MAPK6: variants seen among roughly 807,000 people sequenced by gnomAD.
MAPK6 encodes ERK-3.
A neutral mutation model predicts 59.3 loss-of-function variants in MAPK6; 19 were observed. The ratio of observed to expected loss-of-function variants is 0.32; its 90% CI spans 0.22 to 0.47. The LOEUF (loss-of-function observed/expected upper bound fraction) is 0.47. MAPK6 is among the 20% of genes least tolerant of loss of function. The pLI, the probability that MAPK6 is intolerant of heterozygous loss-of-function variation, is 1.00. For missense variants in MAPK6, 724 were observed against 847.9 expected (o/e 0.85, Z 1.81); for synonymous variants, 316 against 290.3 (o/e 1.09, Z -0.90).
At chr15:51,983,313 C>G (rs921105773) in exon 2 of MAPK6, among the ~76,000 whole-genome samples, 5 of 148,822 alleles carry the variant, frequency 3.4e-5, no homozygotes, top group African/African-American at 1.2e-4. Context: ...ATGGAGAAAC[C>G]CCGTATGTAC....
chr15:51,999,218 G>A (rs772560500), intron 2 of MAPK6, among the ~76,000 whole-genome samples: 31 of 148,168 alleles, frequency 2.1e-4, no homozygotes, highest in Non-Finnish European at 4.6e-4. Flanking sequence ...GGCTGGTCTT[G>A]AGCACCTGAC....
intron 1 of MAPK6, among the ~76,000 whole-genome samples, chr15:51,983,009 C>T (rs2057179246): frequency 6.6e-6 from 1 of 152,140 alleles, no homozygotes; most frequent in South Asian, 2.1e-4. Flanking sequence ...GTTTAACTTT[C>T]AGATGTGCAA....
intron 1 of MAPK6, among the ~76,000 whole-genome samples, chr15:51,979,883 G>A (rs1359626514): frequency 6.6e-6 from 1 of 151,838 alleles, no homozygotes; most frequent in Non-Finnish European, 1.5e-5. Context: ...TCAGAAGCTG[G>A]ACCCAGTGCT....
intron 1 of MAPK6, among the ~76,000 whole-genome samples, chr15:52,022,993 G>A (rs1406886485): frequency 6.7e-6 from 1 of 150,360 alleles, no homozygotes; most frequent in East Asian, 2.0e-4. Flanking sequence ...TGTAATCCCA[G>A]CTACTCAGGA....
intron 1 of MAPK6, among the ~76,000 whole-genome samples, chr15:52,026,001 CAG>C (rs1282525031): frequency 6.6e-6 from 1 of 152,142 alleles, no homozygotes; most frequent in Non-Finnish European, 1.5e-5. Context: ...TATTATAAAA[CAG>C]TGCTGATTTT....
At chr15:51,974,080 G>T (rs1342343502) in intron 1 of MAPK6, among the ~76,000 whole-genome samples, 2 of 151,730 alleles carry the variant, frequency 1.3e-5, no homozygotes, top group Middle Eastern at 3.2e-3. Flanking sequence ...TCTTACCTGA[G>T]GTTATCACTT....
chr15:51,999,744 AG>A (rs1566896302), intron 2 of MAPK6, among the ~76,000 whole-genome samples: 1 of 152,104 alleles, frequency 6.6e-6, no homozygotes, highest in Non-Finnish European at 1.5e-5. Context: ...CCTGGGCTTA[AG>A]CCAGCCTTCC....
Position 51,971,969 on chromosome 15 carries a change from AGGGGGCGGG to A in MAPK6, c.-880+68_-880+76del, listed in dbSNP as rs1206492730. Among the ~76,000 whole-genome samples the A allele has an allele frequency of 3.7e-5, 5 of 136,390 alleles. No homozygotes were observed. The East Asian group carries it at 1.1e-3, about 29-fold the overall frequency. The allele number at this position is 136,390 out of a possible 152,430, so 89.5% of individuals were successfully genotyped here. ...TCTGTTATTTGCCAGGATTCTTACC[AGGGGGCGGG>A]GGGGTCCTGCGTTCGGTTGCGGGTG... On this transcript the variant is annotated intron_variant, in intron 1 of 7. Coordinates refer to the MAPK6 transcript ENST00000691380.
rs550390453 is a variant in MAPK6 at position 52,005,364 on chromosome 15, A to G, written c.-632+962A>G. 2.6e-5 allele frequency among the ~76,000 whole-genome samples: 4 copies of G among 152,222 alleles called. 1 individual carries two copies. The South Asian group carries it at 8.3e-4, about 32-fold the overall frequency. ...ACATGGCAAAACCCTGTCGCTACTA[A>G]AAAAGTACAAAACTTAGCCAGGCAT... On this transcript the variant is annotated intron_variant, in intron 3 of 7. Coordinates refer to the MAPK6 transcript ENST00000691380.
intron 3 of MAPK6, among the ~76,000 whole-genome samples, chr15:52,006,607 T>C (rs1445959491): frequency 6.6e-6 from 1 of 152,192 alleles, no homozygotes; most frequent in East Asian, 1.9e-4. Flanking sequence ...GCTATTCTTG[T>C]GTGCTTAGTG....
At chr15:52,014,160 C>G (rs768260347) in intron 3 of MAPK6, among the ~76,000 whole-genome samples, 11 of 151,754 alleles carry the variant, frequency 7.2e-5, no homozygotes, top group Admixed American at 2.0e-4. Flanking sequence ...ATCAATTGTT[C>G]CTTCCATTAT....
intron 3 of MAPK6, among the ~76,000 whole-genome samples, chr15:52,010,513 C>CTTTTT (rs1566898115): frequency 7.5e-6 from 1 of 133,582 alleles, no homozygotes; most frequent in African/African-American, 3.0e-5. Flanking sequence ...TTGCACCCAG[C>CTTTTT]CTTTTTTTTT....
chr15:51,977,493 G>A (rs1194221891), intron 1 of MAPK6, among the ~76,000 whole-genome samples: 1 of 151,554 alleles, frequency 6.6e-6, no homozygotes, highest in South Asian at 2.1e-4. Flanking sequence ...ATCTGTTATC[G>A]CCCTCCTACA....
chr15:52,047,919 G>A (rs887355596), intron 2 of MAPK6, among the ~76,000 whole-genome samples: 5 of 152,096 alleles, frequency 3.3e-5, no homozygotes, highest in East Asian at 1.9e-4. Context: ...CAGCAACTTC[G>A]TCTTAGATAG....
chr15:52,025,758 A>T (rs2030748408), intron 1 of MAPK6, among the ~76,000 whole-genome samples: 1 of 152,164 alleles, frequency 6.6e-6, no homozygotes, highest in Non-Finnish European at 1.5e-5. Flanking sequence ...ACTGCACTCC[A>T]GTCTGGGTGA....
chr15:52,051,972 A>T (rs2031798717), intron 3 of MAPK6, among the ~76,000 whole-genome samples: 1 of 152,192 alleles, frequency 6.6e-6, no homozygotes, highest in Non-Finnish European at 1.5e-5. Flanking sequence ...ATTTTTGCTT[A>T]GGAACAATAC....
intron 2 of MAPK6, among the ~76,000 whole-genome samples, chr15:51,984,696 G>A (rs2554339): frequency 0.091 from 13,880 of 151,714 alleles, 1,790 homozygotes; most frequent in African/African-American, 0.28. Context: ...CGGGGGGGAA[G>A]AAAAGCCCTG....
At chr15:52,036,086 T>C (rs1469865162) in intron 1 of MAPK6, among the ~76,000 whole-genome samples, 1 of 152,126 alleles carries the variant, frequency 6.6e-6, no homozygotes, top group East Asian at 1.9e-4. Context: ...TCAAGTAGTT[T>C]AAGCCAGGTG....
chr15:52,046,713 G>A lies in MAPK6; in HGVS notation c.253G>A (p.Gly85Ser), dbSNP rs2031603181. ...DNIVKVFEIL[G>S]PSGSQLTDDV... Reference sequence around the variant, plus strand: ...CATTGTGAAAGTGTTTGAGATTCTTGGTCCCAGTGGAAGCCAATTAACAGA... The same window carrying A: ...CATTGTGAAAGTGTTTGAGATTCTTAGTCCCAGTGGAAGCCAATTAACAGA... Residue 85 changes from glycine to serine, a missense_variant, in exon 2 of 6, where the codon GGT becomes AGT. By Grantham distance (56) the Gly-to-Ser change is moderately conservative (BLOSUM62 0). This residue lies in a region of MAPK6 where 87 missense variants were observed against 93.0 expected (regional missense o/e 0.93). Transcript: ENST00000261845. The A allele has an allele frequency of 6.2e-7, 1 of 1,614,036 alleles. No individual in the cohort carries two copies. The highest frequency in any genetic ancestry group is 1.1e-5 in the South Asian group (1 of 91,072).
Sources: allele counts gnomAD v4.1 joint callset (sites outside exome capture counted in the v4.1 genomes callset), GRCh38; gene constraint gnomAD v4.1.1; regional missense constraint gnomAD v4.1.1; transcripts MANE v1.5; gene names NCBI Gene and HGNC (gene_info 2026-07-23, HGNC 2026-07-21).